PPP1R12B: variants seen among roughly 807,000 people sequenced by gnomAD.
The protein encoded by PPP1R12B is myosin phosphatase target subunit 2.
PPP1R12B carries 76 observed loss-of-function variants against 126.1 expected under a neutral mutation model. That is an observed-to-expected ratio of 0.60 (90% CI 0.50 to 0.73). PPP1R12B has a LOEUF of 0.73. PPP1R12B is among the 30% of genes least tolerant of loss of function. PPP1R12B has a pLI of 0.00. For missense variants in PPP1R12B, 1,052 were observed against 1,205.1 expected (o/e 0.87, Z 1.88); for synonymous variants, 356 against 434.7 (o/e 0.82, Z 2.25).
chr1:202,575,716 G>A (rs1689032909), intron 23 of PPP1R12B: 1 of 152,176 alleles, frequency 6.6e-6, no homozygotes, highest in Non-Finnish European at 1.5e-5. Context: ...ATATAGGGAT[G>A]TCTGGGTCCA....
In PPP1R12B at chr1:202,348,991, C is replaced by T; in HGVS notation, c.140C>T (p.Thr47Ile). 1 of 1,606,286 alleles carries T rather than the reference C, an allele frequency of 6.2e-7. No individual in the cohort carries two copies. The highest frequency in any genetic ancestry group is 8.5e-7 in the Non-Finnish European group (1 of 1,176,942). Reference sequence around the variant, plus strand: ...CGAGGCGCGGGGCGGCAGCCGCTGACCAGGCGCGGGAGCCCCAGGGTCCGC... The same window carrying T: ...CGAGGCGCGGGGCGGCAGCCGCTGATCAGGCGCGGGAGCCCCAGGGTCCGC... ...ERRGAGRQPL[T>I]RRGSPRVRFE... The change falls in exon 1 of 24, where the codon ACC becomes ATC. Residue 47 changes from threonine to isoleucine, a missense_variant. Transcript: ENST00000608999.
intron 13 of PPP1R12B, among the ~76,000 whole-genome samples, chr1:202,475,799 C>T (rs559138757): frequency 6.6e-6 from 1 of 152,148 alleles, no homozygotes; most frequent in Non-Finnish European, 1.5e-5. Flanking sequence ...AAGTCTGTCC[C>T]CCTGCCCCGG....
intron 1 of PPP1R12B, chr1:202,369,529 C>G (rs899431242): frequency 1.9e-5 from 3 of 155,120 alleles, no homozygotes; most frequent in African/African-American, 7.2e-5. Flanking sequence ...TCAATTATTA[C>G]TGATTATTAG....
chr1:202,440,681 T>G (rs1671489486), intron 10 of PPP1R12B, 25 bp from the exon 11 acceptor site: 1 of 1,567,448 alleles, frequency 6.4e-7, no homozygotes, highest in East Asian at 2.2e-5. Context: ...ACCTTTCTTG[T>G]GCTTTACTTG....
chr1:202,567,417 AT>A (rs552175361), intron 21 of PPP1R12B: 30 of 185,348 alleles, frequency 1.6e-4, no homozygotes, highest in Non-Finnish European at 2.5e-4. Context: ...GGGTTGTGAT[AT>A]TACTCATAGA....
chr1:202,479,744 C>T (rs1175495538), intron 13 of PPP1R12B, among the ~76,000 whole-genome samples: 2 of 152,184 alleles, frequency 1.3e-5, no homozygotes, highest in African/African-American at 4.8e-5. Flanking sequence ...GTCCCCAGAC[C>T]AGCAGTGTCA....
intron 1 of PPP1R12B, among the ~76,000 whole-genome samples, chr1:202,386,641 G>C (rs1663188535): frequency 6.6e-6 from 1 of 152,130 alleles, no homozygotes; most frequent in Non-Finnish European, 1.5e-5. Flanking sequence ...TATTTAATAT[G>C]TTCTGTTGAC....
rs559166883 is a variant in PPP1R12B at position 202,449,234 on chromosome 1, G to A, written c.1850+63G>A. 2.4e-5 allele frequency: 36 copies of A among 1,498,088 alleles called. No individual in the cohort carries two copies. In the African/African-American group the frequency reaches 4.3e-4, roughly 18 times the overall value. The allele number at this position is 1,498,088 out of a possible 1,614,324, so 92.8% of individuals were successfully genotyped here. On this transcript the variant is annotated intron_variant, in intron 13 of 23. Coordinates refer to ENST00000608999, the MANE Select transcript of PPP1R12B (RefSeq NM_002481.4). ...TTTGAGGTAGACGATAAAGGAATGG[G>A]CATAAAGTGTTTTTCCCAATTTCAA...
In PPP1R12B at chr1:202,589,154, T is replaced by C. The variant is rs1690013876; in HGVS notation, c.*8594T>C. On this transcript the variant is annotated 3_prime_UTR_variant, in exon 24 of 24. Transcript: ENST00000608999. Reference sequence around the variant, plus strand: ...GTTCCAAACTACAAATGTAGTTAACTTGGGGGCTATTGAAGGTTAAATCTA... The same window carrying C: ...GTTCCAAACTACAAATGTAGTTAACCTGGGGGCTATTGAAGGTTAAATCTA... The C allele has an allele frequency of 6.6e-6, 1 of 152,208 alleles. No individual in the cohort carries two copies. The highest frequency in any genetic ancestry group is 2.1e-4 in the South Asian group (1 of 4,834). The allele number at this position is 152,208 out of a possible 1,614,324, so 9.4% of individuals were successfully genotyped here. A position where few individuals can be genotyped will look rare whatever the true frequency, so the allele number is the denominator to read the frequency against.
At chr1:202,540,125 G>A in intron 18 of PPP1R12B, 1 of 1,599,072 alleles carries the variant, frequency 6.3e-7, no homozygotes, top group South Asian at 1.1e-5. Flanking sequence ...GTGTCTATCT[G>A]CATCCTGAGG....
At chr1:202,496,120 CCT>C (rs1347848838) in intron 17 of PPP1R12B, among the ~76,000 whole-genome samples, 10 of 152,102 alleles carry the variant, frequency 6.6e-5, no homozygotes, top group Admixed American at 5.9e-4. Context: ...GAACTTAAAA[CCT>C]CTAAGTAATA....
At chr1:202,568,607 A>G (rs1001479475) in intron 22 of PPP1R12B, among the ~76,000 whole-genome samples, 2 of 152,178 alleles carry the variant, frequency 1.3e-5, no homozygotes, top group Admixed American at 6.5e-5. Flanking sequence ...ACCAAGAGTC[A>G]GTTGCTGGGA....
At chr1:202,387,312 T>C (rs968369309) in intron 1 of PPP1R12B, among the ~76,000 whole-genome samples, 2 of 152,196 alleles carry the variant, frequency 1.3e-5, no homozygotes, top group African/African-American at 4.8e-5. Flanking sequence ...ATGTAGAAGG[T>C]TTCATTGAGT....
At chr1:202,472,441 G>A (rs976341287) in intron 13 of PPP1R12B, among the ~76,000 whole-genome samples, 3 of 152,194 alleles carry the variant, frequency 2.0e-5, no homozygotes, top group Admixed American at 6.5e-5. Flanking sequence ...TGGTATAGCT[G>A]ATGTATGTGA....
intron 1 of PPP1R12B, among the ~76,000 whole-genome samples, chr1:202,373,245 T>G (rs1445677815): frequency 6.6e-6 from 1 of 152,112 alleles, no homozygotes; most frequent in Non-Finnish European, 1.5e-5. Context: ...CACTGATAAT[T>G]TCTTTTTGGT....
chr1:202,572,337 A>G (rs1254132257), intron 23 of PPP1R12B, among the ~76,000 whole-genome samples: 2 of 152,200 alleles, frequency 1.3e-5, no homozygotes, highest in Non-Finnish European at 2.9e-5. Context: ...CCTTAAAAAT[A>G]TAGTAGGTTA....
At chr1:202,393,435 C>CT (rs969256508) in intron 1 of PPP1R12B, among the ~76,000 whole-genome samples, 15 of 141,860 alleles carry the variant, frequency 1.1e-4, no homozygotes, top group South Asian at 2.3e-4. Flanking sequence ...AAAATTAGTT[C>CT]TTTTTTTTTT....
At chr1:202,561,100 A>G (rs1687477551) in intron 19 of PPP1R12B, among the ~76,000 whole-genome samples, 2 of 151,990 alleles carry the variant, frequency 1.3e-5, no homozygotes. Context: ...TACCCTACTG[A>G]ACAAAGGCTA....
intron 18 of PPP1R12B, among the ~76,000 whole-genome samples, chr1:202,524,566 CT>C (rs1272146936): frequency 6.6e-6 from 1 of 152,148 alleles, no homozygotes; most frequent in African/African-American, 2.4e-5. Flanking sequence ...TCACTGACAC[CT>C]TTTCGTCCTC....
Sources: allele counts gnomAD v4.1 joint callset (sites outside exome capture counted in the v4.1 genomes callset), GRCh38; gene constraint gnomAD v4.1.1; transcripts MANE v1.5; gene names NCBI Gene and HGNC (gene_info 2026-07-23, HGNC 2026-07-21).